TCF4: variants seen among roughly 807,000 people sequenced by gnomAD.
TCF4 encodes the protein transcription factor 4.
A neutral mutation model predicts 82.1 loss-of-function variants in TCF4; 3 were observed. The observed-to-expected ratio is 0.04, with a 90% confidence interval of 0.02 to 0.09. The LOEUF (loss-of-function observed/expected upper bound fraction) is 0.09, where lower values mean the gene tolerates loss of function less well. TCF4 is among the 10% of genes least tolerant of loss of function. TCF4 has a pLI of 1.00. For missense variants in TCF4, 518 were observed against 852.7 expected (o/e 0.61, Z 4.89); for synonymous variants, 276 against 309.6 (o/e 0.89, Z 1.14).
chr18:55,324,116 C>A lies in TCF4; in HGVS notation c.549+26243G>T, dbSNP rs146029266. ...GATGAGGTGAAATCGATTTTTAAAC[C>A]CTGACAATTCAGCACATAAGACTGA... On this transcript the variant is annotated intron_variant, in intron 8 of 19. Transcript: ENST00000354452. 9.0e-3 allele frequency among the ~76,000 whole-genome samples: 1,371 copies of A among 152,026 alleles called. 32 individuals carry two copies. Among genetic ancestry groups the A allele is most frequent in the African/African-American group, 0.03 (1,251 of 41,448 alleles).
At chr18:55,338,438 T>C (rs1025436774) in intron 8 of TCF4, among the ~76,000 whole-genome samples, 2 of 152,142 alleles carry the variant, frequency 1.3e-5, no homozygotes, top group African/African-American at 4.8e-5. Flanking sequence ...GGGGAGAGGA[T>C]TCAGGCCCTC....
At chr18:55,511,748 T>C (rs2096831044) in intron 3 of TCF4, among the ~76,000 whole-genome samples, 1 of 152,108 alleles carries the variant, frequency 6.6e-6, no homozygotes, top group African/African-American at 2.4e-5. Flanking sequence ...TAAAGTTACA[T>C]GACATAAAGG....
intron 2 of TCF4, among the ~76,000 whole-genome samples, chr18:55,598,665 T>G (rs1375789578): frequency 1.3e-5 from 2 of 152,246 alleles, no homozygotes; most frequent in Non-Finnish European, 2.9e-5. Context: ...GGGCTGTGGC[T>G]ATGGCCATGA....
intron 5 of TCF4, among the ~76,000 whole-genome samples, chr18:55,439,626 A>G (rs1424759934): frequency 1.3e-5 from 2 of 152,228 alleles, no homozygotes; most frequent in Non-Finnish European, 2.9e-5. Flanking sequence ...CATCCTTAAT[A>G]AGCACAGTAA....
At chr18:55,423,944 C>T (rs1251196608) in intron 5 of TCF4, among the ~76,000 whole-genome samples, 1 of 152,144 alleles carries the variant, frequency 6.6e-6, no homozygotes, top group Non-Finnish European at 1.5e-5. Flanking sequence ...GACAGGGGCT[C>T]ACATCATTGT....
chr18:55,291,411 T>C (rs1274485434), intron 8 of TCF4, among the ~76,000 whole-genome samples: 1 of 152,166 alleles, frequency 6.6e-6, no homozygotes, highest in Non-Finnish European at 1.5e-5. Context: ...CCAAGAGAAT[T>C]GTTATGAACA....
intron 3 of TCF4, among the ~76,000 whole-genome samples, chr18:55,507,360 G>A (rs977053608): frequency 6.6e-6 from 1 of 152,216 alleles, no homozygotes. Context: ...GGCAGGGAGT[G>A]TCTGGAGTGT....
At chr18:55,510,634 G>A in intron 3 of TCF4, 1 of 1,513,520 alleles carries the variant, frequency 6.6e-7, no homozygotes, top group Non-Finnish European at 8.8e-7. Flanking sequence ...AATATATCTG[G>A]TGATTAAAAT....
chr18:55,321,940 G>T (rs1368667514), intron 8 of TCF4: 12 of 1,378,900 alleles, frequency 8.7e-6, no homozygotes, highest in Non-Finnish European at 1.1e-5. Flanking sequence ...ACTTTGCGCA[G>T]CGGAGCTGGA....
chr18:55,331,629 A>G (rs964619644), intron 8 of TCF4, among the ~76,000 whole-genome samples: 1 of 152,238 alleles, frequency 6.6e-6, no homozygotes, highest in East Asian at 1.9e-4. Flanking sequence ...ATTTGAGAAT[A>G]AGTCTTCATG....
At chr18:55,573,108 C>T (rs185008177) in intron 3 of TCF4, among the ~76,000 whole-genome samples, 6 of 152,036 alleles carry the variant, frequency 3.9e-5, no homozygotes, top group Non-Finnish European at 8.8e-5. Context: ...CCACTTCCAC[C>T]CCTGTACCCT....
chr18:55,548,441 A>C (rs1038908944), intron 3 of TCF4, among the ~76,000 whole-genome samples: 3 of 152,162 alleles, frequency 2.0e-5, no homozygotes, highest in Middle Eastern at 6.8e-3. Context: ...AAATGCCTAC[A>C]CTGTCCCCTG....
At chr18:55,407,706 T>C (rs2094163048) in intron 5 of TCF4, among the ~76,000 whole-genome samples, 1 of 152,054 alleles carries the variant, frequency 6.6e-6, no homozygotes, top group Non-Finnish European at 1.5e-5. Flanking sequence ...TCTTTTATCT[T>C]GCTGTCCCAA....
Position 55,404,189 on chromosome 18 carries a change from C to T in TCF4, c.305-671G>A, listed in dbSNP as rs1237588058. The T allele has an allele frequency of 1.4e-5, 4 of 290,914 alleles. No homozygotes were observed. In the Admixed American group the frequency reaches 1.6e-4, roughly 11 times the overall value. 18.0% of individuals were successfully genotyped at this position (290,914 alleles called of 1,614,324 possible). A position where few individuals can be genotyped will look rare whatever the true frequency, so the allele number is the denominator to read the frequency against. Reference sequence around the variant, plus strand: ...TGTGAATGTCTTGTTCCAATTCTAACAACCCAATTTTTATCTGTAGACTGC... The same window carrying T: ...TGTGAATGTCTTGTTCCAATTCTAATAACCCAATTTTTATCTGTAGACTGC... On this transcript the variant is annotated intron_variant, in intron 5 of 19. Transcript: ENST00000354452.
intron 3 of TCF4, among the ~76,000 whole-genome samples, chr18:55,481,693 C>A (rs2145578060): frequency 6.6e-6 from 1 of 152,350 alleles, no homozygotes; most frequent in South Asian, 2.1e-4. Flanking sequence ...CTTCTCTACT[C>A]ATGTAACTCT....
intron 5 of TCF4, among the ~76,000 whole-genome samples, chr18:55,408,968 T>C (rs1429404298): frequency 6.6e-6 from 1 of 152,220 alleles, no homozygotes; most frequent in Admixed American, 6.5e-5. Context: ...GTTTTATTCC[T>C]AAAAGGTCTC....
intron 8 of TCF4, among the ~76,000 whole-genome samples, chr18:55,303,252 C>CACACCCCTACACACACACACACACCCCT (rs1555851914): frequency 6.8e-6 from 1 of 146,514 alleles, no homozygotes; most frequent in African/African-American, 2.6e-5. Context: ...CACACACACA[C>CACACCCCTACACACACACACACACCCCT]ACACACACAC....
intron 8 of TCF4, among the ~76,000 whole-genome samples, chr18:55,331,579 A>T (rs1399613037): frequency 6.6e-6 from 1 of 152,222 alleles, no homozygotes; most frequent in Non-Finnish European, 1.5e-5. Context: ...CACAGAGAAG[A>T]GAGTTTGTCG....
At chr18:55,426,551 A>T (rs2094991641) in intron 5 of TCF4, among the ~76,000 whole-genome samples, 1 of 152,168 alleles carries the variant, frequency 6.6e-6, no homozygotes, top group Admixed American at 6.5e-5. Context: ...TGCTGCCCAT[A>T]GGCATCTGTT....
Sources: gnomAD v4.1 joint callset for allele counts (sites outside exome capture counted in the v4.1 genomes callset) on GRCh38, gnomAD v4.1.1 for gene constraint, MANE v1.5 for transcripts, NCBI Gene and HGNC (gene_info 2026-07-23, HGNC 2026-07-21) for gene names.